The following PPP1R21 variants were observed in gnomAD, a reference collection of about 807,000 sequenced individuals.
PPP1R21 encodes the protein KLRAQ motif containing 1.
In PPP1R21, 85 loss-of-function variants were observed where a neutral mutation model predicts 112.8. The observed-to-expected ratio is 0.75, with a 90% CI of 0.63 to 0.90. The LOEUF is 0.90. PPP1R21 is among the 40% of genes least tolerant of loss of function. The pLI, the probability that PPP1R21 is intolerant of heterozygous loss-of-function variation, is 0.00. For missense variants in PPP1R21, 1,199 were observed against 901.5 expected, an observed-to-expected ratio of 1.33 and a Z score of -4.23; for synonymous variants, 381 against 322.3, an observed-to-expected ratio of 1.18 and a Z score of -1.95.
At chr2:48,469,554 G>GAGAGAGAGAGAGCATATATATATATAT (rs1558458162) in intron 9 of PPP1R21, among the ~76,000 whole-genome samples, 7 of 50,312 alleles carry the variant, frequency 1.4e-4, no homozygotes, top group African/African-American at 2.1e-4. Flanking sequence ...TATATATATA[G>GAGAGAGAGAGAGCATATATATATATAT]AGAGAGAGAG....
chr2:48,495,484 G>C (rs931011568), intron 15 of PPP1R21, among the ~76,000 whole-genome samples, 195 bp from the exon 16 acceptor site: 2 of 152,266 alleles, frequency 1.3e-5, no homozygotes, highest in African/African-American at 4.8e-5. Flanking sequence ...TTATAGGTGT[G>C]AGCCACCGCG....
chr2:48,442,896 A>C (rs1191856329), intron 1 of PPP1R21, among the ~76,000 whole-genome samples: 1 of 152,190 alleles, frequency 6.6e-6, no homozygotes, highest in Admixed American at 6.5e-5. Flanking sequence ...AGAGATGCCA[A>C]AGGTTAAGCA....
intron 17 of PPP1R21, 32 bp from the exon 18 acceptor site, chr2:48,505,532 T>A: frequency 6.6e-7 from 1 of 1,508,930 alleles, no homozygotes; most frequent in Non-Finnish European, 9.0e-7. Flanking sequence ...GTACACATTC[T>A]GTTCTAAAAG....
chr2:48,498,402 A>G (rs1184464108), intron 16 of PPP1R21, 91 bp from the exon 17 acceptor site: 13 of 1,216,226 alleles, frequency 1.1e-5, no homozygotes, highest in South Asian at 5.6e-5. Flanking sequence ...TCTGTGGGGT[A>G]GTTTTGGTTT....
intron 17 of PPP1R21, among the ~76,000 whole-genome samples, chr2:48,499,103 G>C (rs1669982795): frequency 6.8e-6 from 1 of 146,136 alleles, no homozygotes; most frequent in Non-Finnish European, 1.5e-5. Context: ...CACCTTGGGG[G>C]TTAGAGTTTC....
At chr2:48,507,192 C>CTTTTTT in intron 18 of PPP1R21, 77 bp from the exon 19 acceptor site, 1 of 1,140,816 alleles carries the variant, frequency 8.8e-7, no homozygotes, top group Non-Finnish European at 1.1e-6. Context: ...AAAATGTTGT[C>CTTTTTT]TTTTTTTTTT....
At chr2:48,469,295 GTA>G (rs752355971) in intron 9 of PPP1R21, among the ~76,000 whole-genome samples, 3,068 of 16,044 alleles carry the variant, frequency 0.19, 390 homozygotes, top group South Asian at 0.46. Context: ...GTGTGTGTGT[GTA>G]TGTATATATA....
Position 48,460,104 on chromosome 2 carries a change from C to G in PPP1R21, c.550C>G (p.Gln184Glu), listed in dbSNP as rs1268463573. Residue 184 changes from glutamine (Q) to glutamate (E), a missense_variant, in exon 6 of 22, where the codon CAG becomes GAG. Gln to Glu is a conservative substitution (Grantham distance 29). Transcript: ENST00000294952. The part of the protein sequence containing the change: ...NDKAKLEVKS[Q>E]TLEKEAKECR... ...TTCTTCTGAAATTCAGGTGAAATCT[C>G]AGACTCTAGAAAAGGAAGCCAAGGA... The G allele has an allele frequency of 1.2e-6, 2 of 1,613,968 alleles. No homozygotes were observed. The highest frequency in any genetic ancestry group is 1.7e-6 in the Non-Finnish European group (2 of 1,180,020).
intron 4 of PPP1R21, among the ~76,000 whole-genome samples, chr2:48,459,221 GA>G (rs1220350928): frequency 2.0e-5 from 3 of 150,826 alleles, no homozygotes; most frequent in Non-Finnish European, 4.4e-5. Context: ...TTCAGTCTTT[GA>G]AAAAGTTGTT....
At chr2:48,482,114 TC>T (rs1172039155) in intron 13 of PPP1R21, among the ~76,000 whole-genome samples, 1 of 152,216 alleles carries the variant, frequency 6.6e-6, no homozygotes, top group Admixed American at 6.5e-5. Flanking sequence ...GGATTCTTAA[TC>T]TATTGGTTGA....
chr2:48,454,797 C>T, intron 3 of PPP1R21, 56 bp downstream of exon 3: 1 of 1,353,920 alleles, frequency 7.4e-7, no homozygotes, highest in Non-Finnish European at 1.1e-6. Context: ...CTGACACCTA[C>T]AGGGCATCCT....
intron 3 of PPP1R21, among the ~76,000 whole-genome samples, chr2:48,455,425 G>C (rs1667678226): frequency 6.6e-6 from 1 of 150,944 alleles, no homozygotes; most frequent in African/African-American, 2.4e-5. Flanking sequence ...TTACAGGCCT[G>C]AGCCACCGTG....
intron 16 of PPP1R21, among the ~76,000 whole-genome samples, chr2:48,498,147 GTCTA>G (rs1167374887): frequency 1.3e-5 from 2 of 151,480 alleles, no homozygotes; most frequent in African/African-American, 2.4e-5. Context: ...CTGTTGAGTT[GTCTA>G]TCTTATTGGT....
At chr2:48,500,294 C>T (rs1003676737) in intron 17 of PPP1R21, among the ~76,000 whole-genome samples, 2 of 152,000 alleles carry the variant, frequency 1.3e-5, no homozygotes, top group Admixed American at 6.6e-5. Context: ...CTTACGCTCA[C>T]ATGTTTACAA....
intron 7 of PPP1R21, among the ~76,000 whole-genome samples, chr2:48,464,456 A>T (rs1206452930): frequency 6.6e-6 from 1 of 152,198 alleles, no homozygotes; most frequent in African/African-American, 2.4e-5. Context: ...GAAGACTGAG[A>T]AAGATAGTGA....
At chr2:48,490,864 C>G (rs4131784) in intron 14 of PPP1R21, among the ~76,000 whole-genome samples, 154 bp from the exon 15 acceptor site, 21,975 of 152,132 alleles carry the variant, frequency 0.14, 2,049 homozygotes, top group East Asian at 0.46. Flanking sequence ...TAGGTATTCT[C>G]AAATAAATAA....
chr2:48,469,504 T>TAG lies in PPP1R21; in HGVS notation c.898-1580_898-1579dup, dbSNP rs1442057462. ...TATATAGAGCATATATATATATATA[T>TAG]AGAGCATATATATATATATATATAT... On this transcript the variant is annotated intron_variant, in intron 9 of 21. Coordinates refer to ENST00000294952, the MANE Select transcript of PPP1R21 (RefSeq NM_001135629.3). Among the ~76,000 whole-genome samples, 16 of 40,828 alleles carry TAG rather than the reference T, an allele frequency of 3.9e-4. 1 individual carries two copies. The East Asian group carries it at 4.2e-3, about 11-fold the overall frequency. 26.8% of individuals were successfully genotyped at this position (40,828 alleles called of 152,430 possible). A position where few individuals can be genotyped will look rare whatever the true frequency, so the allele number is the denominator to read the frequency against.
At position 48,514,732 on chromosome 2, in the gene PPP1R21, C is replaced by T. The variant is rs1202740911; in HGVS notation, c.2331C>T (p.Asn777=). ...KMSSKGNSKK[N]KSR is the part of the protein sequence containing the mutation. ...TTGCACAGGGGAATTCTAAAAAGAA[C>T]AAGAGTCGATAGTTTTGAAATAGCT... The change falls in exon 22 of 22, where the codon AAC becomes AAT. Residue 777 remains asparagine (N), a synonymous_variant. Coordinates refer to ENST00000294952, the MANE Select transcript of PPP1R21 (RefSeq NM_001135629.3). 6.2e-7 allele frequency: 1 copy of T among 1,610,392 alleles called. No homozygotes were observed. Among genetic ancestry groups the T allele is most frequent in the Non-Finnish European group, 8.5e-7 (1 of 1,178,018 alleles).
At chr2:48,460,736 G>T (rs566691892) in intron 6 of PPP1R21, among the ~76,000 whole-genome samples, 1 of 143,614 alleles carries the variant, frequency 7.0e-6, no homozygotes, top group Non-Finnish European at 1.5e-5. Flanking sequence ...AGTTCAAGGG[G>T]AAAAGAAGGC....
Sources: allele counts gnomAD v4.1 joint callset (sites outside exome capture counted in the v4.1 genomes callset), GRCh38; gene constraint gnomAD v4.1.1; transcripts MANE v1.5; gene names NCBI Gene and HGNC (gene_info 2026-07-23, HGNC 2026-07-21).